ANTXR1: variants seen among roughly 807,000 people sequenced by gnomAD.
The protein encoded by ANTXR1 is anthrax toxin receptor 1.
Under a neutral mutation model 78.1 loss-of-function variants are expected in ANTXR1, and 19 were observed. That is an observed-to-expected ratio of 0.24 (90% confidence interval 0.17 to 0.36). ANTXR1 has a LOEUF of 0.36. Ranked by LOEUF, ANTXR1 falls within the 10% of genes least tolerant of loss-of-function variation. The pLI is 1.00. For missense variants in ANTXR1, 518 were observed against 718.6 expected (o/e 0.72, Z 3.19); for synonymous variants, 273 against 260.5 (o/e 1.05, Z -0.46).
intron 3 of ANTXR1, among the ~76,000 whole-genome samples, chr2:69,053,188 T>C (rs894637669): frequency 6.6e-6 from 1 of 152,192 alleles, no homozygotes; most frequent in Non-Finnish European, 1.5e-5. Flanking sequence ...TGGAACCACA[T>C]GGGCTTTTCA....
At chr2:69,070,496 A>G (rs2104205537) in intron 3 of ANTXR1, 151 bp from the exon 4 acceptor site, 1 of 724,404 alleles carries the variant, frequency 1.4e-6, no homozygotes, top group Non-Finnish European at 2.5e-6. Flanking sequence ...TGAACGGATA[A>G]TATAAAGGCC....
chr2:69,130,890 A>G (rs912377689), intron 12 of ANTXR1, among the ~76,000 whole-genome samples: 15 of 152,220 alleles, frequency 9.9e-5, no homozygotes, highest in Non-Finnish European at 7.3e-5. Flanking sequence ...GATAACTAGG[A>G]AGAAAAACAC....
Position 69,076,307 on chromosome 2 carries a change from A to G in ANTXR1, c.561+649A>G, listed in dbSNP as rs748931592. On this transcript the variant is annotated intron_variant, in intron 7 of 17. Coordinates refer to ENST00000303714, the MANE Select transcript of ANTXR1 (RefSeq NM_032208.3). The stretch of plus-strand genomic sequence containing the variant: ...TTAATTTGACAAGTATGATTTTCTT[A>G]TTCAAATAACAAATGTTCCTTTTCA... Among the ~76,000 whole-genome samples, 80 of 152,190 alleles carry G rather than the reference A, an allele frequency of 5.3e-4. 1 individual carries two copies. The highest frequency in any genetic ancestry group is 5.0e-3 in the Admixed American group (76 of 15,286).
At chr2:69,151,326 G>A (rs1673389629) in intron 12 of ANTXR1, among the ~76,000 whole-genome samples, 2 of 149,128 alleles carry the variant, frequency 1.3e-5, no homozygotes, top group Middle Eastern at 3.5e-3. Flanking sequence ...ATCACAATTT[G>A]CCCCCTCTCT....
chr2:69,236,629 C>A (rs1675770949), intron 17 of ANTXR1, among the ~76,000 whole-genome samples: 1 of 152,180 alleles, frequency 6.6e-6, no homozygotes, highest in Non-Finnish European at 1.5e-5. Flanking sequence ...CCCAGAAATT[C>A]TACCTCAAAC....
chr2:69,193,348 C>G lies in ANTXR1; in HGVS notation c.1367C>G (p.Ala456Gly). 2 of 1,613,792 alleles carry G rather than the reference C, an allele frequency of 1.2e-6. No homozygotes were observed. Among genetic ancestry groups the G allele is most frequent in the Non-Finnish European group, 1.7e-6 (2 of 1,179,886 alleles). Residue 456 changes from alanine to glycine, a missense_variant, in exon 17 of 18, where the codon GCC (alanine) becomes GGC (glycine). Around this residue, in one of 5 missense-constraint regions of ANTXR1, gnomAD observed 192 missense variants for 230.2 expected, o/e 0.83. Transcript: ENST00000303714. The part of the protein sequence containing the change: ...WYSPIKGKLD[A>G]LWVLLRKGYD... ...GTTTTATTTCAGGGAAAACTCGATGCCTTGTGGGTCCTACTGAGGAAAGGA... is the reference window on the plus strand; with the variant it reads ...GTTTTATTTCAGGGAAAACTCGATGGCTTGTGGGTCCTACTGAGGAAAGGA...
At chr2:69,019,573 C>T (rs1197688864) in intron 1 of ANTXR1, among the ~76,000 whole-genome samples, 1 of 151,516 alleles carries the variant, frequency 6.6e-6, no homozygotes. Flanking sequence ...TACAAACCTG[C>T]GCATCCTGCA....
intron 3 of ANTXR1, among the ~76,000 whole-genome samples, chr2:69,061,945 C>A (rs892740848): frequency 6.6e-6 from 1 of 151,984 alleles, no homozygotes; most frequent in African/African-American, 2.4e-5. Context: ...ACCAGAAAAG[C>A]CCAGACAAAA....
chr2:69,100,110 A>G (rs1671558935), intron 9 of ANTXR1, among the ~76,000 whole-genome samples: 1 of 152,224 alleles, frequency 6.6e-6, no homozygotes, highest in Non-Finnish European at 1.5e-5. Flanking sequence ...TTGCCTAAAA[A>G]CACAGCTGTA....
chr2:69,203,609 C>T (rs1333407096), intron 17 of ANTXR1, among the ~76,000 whole-genome samples: 1 of 152,090 alleles, frequency 6.6e-6, no homozygotes, highest in Non-Finnish European at 1.5e-5. Context: ...CGTATGAAAG[C>T]AATTGCTATG....
intron 10 of ANTXR1, among the ~76,000 whole-genome samples, chr2:69,118,739 G>A (rs543287892): frequency 2.4e-4 from 36 of 152,296 alleles, no homozygotes; most frequent in Admixed American, 2.0e-3. Context: ...AACGTGGCAC[G>A]GCCGAGGTGC....
At chr2:69,017,510 T>G (rs547845528) in intron 1 of ANTXR1, among the ~76,000 whole-genome samples, 1 of 152,316 alleles carries the variant, frequency 6.6e-6, no homozygotes, top group African/African-American at 2.4e-5. Flanking sequence ...AAGCTGCATC[T>G]CTGGCCTGGA....
chr2:69,070,036 T>C (rs911959366), intron 3 of ANTXR1, among the ~76,000 whole-genome samples: 5 of 152,190 alleles, frequency 3.3e-5, no homozygotes, highest in African/African-American at 1.2e-4. Context: ...CCCCAAGTCA[T>C]TTATGTTTCC....
In ANTXR1 at chr2:69,077,389, G is replaced by A; in HGVS notation, c.562-19G>A. On this transcript the variant is annotated intron_variant, in intron 7 of 17. Coordinates refer to ENST00000303714, the MANE Select transcript of ANTXR1 (RefSeq NM_032208.3). ...CCTAACAGTCTCCCCATGTGTTTGT[G>A]TATTTGCTGTGTTCTCAGCTGGCCC... 1.2e-6 allele frequency: 2 copies of A among 1,614,036 alleles called. No homozygotes were observed. The highest frequency in any genetic ancestry group is 1.7e-6 in the Non-Finnish European group (2 of 1,179,924).
At chr2:69,132,405 G>A (rs189429587) in intron 12 of ANTXR1, among the ~76,000 whole-genome samples, 1 of 152,196 alleles carries the variant, frequency 6.6e-6, no homozygotes, top group African/African-American at 2.4e-5. Flanking sequence ...ATTACCAGTT[G>A]CTTTAAAGCG....
chr2:69,182,896 A>T (rs1412132116), intron 16 of ANTXR1: 1 of 569,974 alleles, frequency 1.8e-6, no homozygotes, highest in Non-Finnish European at 3.1e-6. Context: ...TCTGCAGCAC[A>T]TATAGTAAAA....
chr2:69,022,508 C>T (rs1293122352), intron 1 of ANTXR1, among the ~76,000 whole-genome samples: 1 of 152,190 alleles, frequency 6.6e-6, no homozygotes, highest in Admixed American at 6.5e-5. Context: ...ATCCAAGAAC[C>T]ACATCTGGGC....
At position 69,090,654 on chromosome 2, in the gene ANTXR1, G is replaced by T; in HGVS notation, c.643-205G>T. 3 of 614,056 alleles carry T rather than the reference G, an allele frequency of 4.9e-6. No homozygotes were observed. In the South Asian group the frequency reaches 5.8e-5, roughly 12 times the overall value. The allele number at this position is 614,056 out of a possible 1,614,324, so 38.0% of individuals were successfully genotyped here. On this transcript the variant is annotated intron_variant, in intron 8 of 17. Coordinates refer to ENST00000303714, the MANE Select transcript of ANTXR1 (RefSeq NM_032208.3). ...GAATGAATAATTCTTAGGGCTTTTA[G>T]GATACCCAACAGCATCTAGCACAAT...
chr2:69,230,599 T>C (rs963261607), intron 17 of ANTXR1, among the ~76,000 whole-genome samples: 1 of 152,218 alleles, frequency 6.6e-6, no homozygotes, highest in Non-Finnish European at 1.5e-5. Context: ...AGTATATGTA[T>C]GTAGCCTGAC....
Sources: allele counts gnomAD v4.1 joint callset (sites outside exome capture counted in the v4.1 genomes callset), GRCh38; gene constraint gnomAD v4.1.1; regional missense constraint gnomAD v4.1.1; transcripts MANE v1.5; gene names NCBI Gene and HGNC (gene_info 2026-07-23, HGNC 2026-07-21).